ZNF423: variants seen among roughly 807,000 people sequenced by gnomAD.
The protein encoded by ZNF423 is Ebf-associated zinc finger protein.
Under a neutral mutation model 95.8 loss-of-function variants are expected in ZNF423, and 12 were observed. The ratio of observed to expected loss-of-function variants is 0.13; its 90% CI spans 0.08 to 0.20. The LOEUF is 0.20. Ranked by LOEUF, ZNF423 falls within the 10% of genes least tolerant of loss-of-function variation. The pLI, the probability that ZNF423 is intolerant of heterozygous loss-of-function variation, is 1.00. For missense variants in ZNF423, 1,316 were observed against 1,737.1 expected (o/e 0.76, Z 4.31); for synonymous variants, 749 against 711.9 (o/e 1.05, Z -0.83).
chr16:49,855,074 G>A lies in ZNF423; in HGVS notation c.40+661C>T, dbSNP rs1026561881. 3.8e-5 allele frequency: 37 copies of A among 979,720 alleles called. No individual in the cohort carries two copies. The highest frequency in any genetic ancestry group is 4.5e-5 in the Non-Finnish European group (37 of 825,234). 60.7% of individuals were successfully genotyped at this position (979,720 alleles called of 1,614,324 possible). On this transcript the variant is annotated intron_variant, in intron 1 of 7. Coordinates refer to ENST00000563137, the MANE Select transcript of ZNF423 (RefSeq NM_001379286.1). The surrounding 1 kb of genome is among the most constrained non-coding windows in gnomAD (Gnocchi z 4.7). ...AACTCCTGGCGGAGGCTCCCTGCCC[G>A]GTGGGCCTCGGTGGAGGAGGCAGGA...
intron 3 of ZNF423, among the ~76,000 whole-genome samples, chr16:49,716,963 G>A (rs940361161): frequency 1.3e-5 from 2 of 152,072 alleles, no homozygotes; most frequent in Non-Finnish European, 2.9e-5. Flanking sequence ...TCAATCACAG[G>A]ATCTCAAGGT....
chr16:49,598,202 C>T (rs1323504480), intron 5 of ZNF423, among the ~76,000 whole-genome samples: 1 of 152,010 alleles, frequency 6.6e-6, no homozygotes, highest in Non-Finnish European at 1.5e-5. Flanking sequence ...AGTTAGGTAG[C>T]CTGACTATAC....
intron 1 of ZNF423, among the ~76,000 whole-genome samples, chr16:49,852,707 GT>G (rs575286300): frequency 7.9e-5 from 12 of 151,052 alleles, no homozygotes; most frequent in African/African-American, 2.4e-4. Flanking sequence ...CTTTAGGGTT[GT>G]TTTTTTTTAA....
At chr16:49,752,872 G>T (rs1409853543) in intron 2 of ZNF423, among the ~76,000 whole-genome samples, 1 of 152,204 alleles carries the variant, frequency 6.6e-6, no homozygotes, top group African/African-American at 2.4e-5. Flanking sequence ...GGGCTGCTGT[G>T]TGCCAGGCAA....
intron 2 of ZNF423, among the ~76,000 whole-genome samples, chr16:49,751,004 C>T (rs1260271925): frequency 2.6e-5 from 4 of 152,108 alleles, no homozygotes; most frequent in African/African-American, 4.8e-5. Context: ...CCGACGGCGA[C>T]GAAAGGCCCG....
chr16:49,490,901 G>GA lies in ZNF423; in HGVS notation c.*373dup, dbSNP rs1329946031. The GA allele has an allele frequency of 2.3e-4, 45 of 191,886 alleles. 1 individual carries two copies. The highest frequency in any genetic ancestry group is 8.7e-4 in the Admixed American group (15 of 17,230). 11.9% of individuals were successfully genotyped at this position (191,886 alleles called of 1,614,324 possible). ...GGTGGGGGGGAAGAAAAACAAGAAAGAAAAAAAAGAAGCAAAGAAAAAAAA... is the reference window on the plus strand; with the variant it reads ...GGTGGGGGGGAAGAAAAACAAGAAAGAAAAAAAAAGAAGCAAAGAAAAAAAA... On this transcript the variant is annotated 3_prime_UTR_variant, in exon 8 of 8. Transcript: ENST00000563137.
chr16:49,677,228 A>AAGAGAAGAGAAGAGAAGAG (rs2031091665), intron 3 of ZNF423, among the ~76,000 whole-genome samples: 1 of 57,098 alleles, frequency 1.8e-5, no homozygotes, highest in African/African-American at 6.5e-5. Flanking sequence ...AGAAACAAGA[A>AAGAGAAGAGAAGAGAAGAG]AAGAGAAGAG....
At chr16:49,774,549 T>G (rs2034088821) in intron 2 of ZNF423, among the ~76,000 whole-genome samples, 1 of 152,332 alleles carries the variant, frequency 6.6e-6, no homozygotes, top group Middle Eastern at 3.4e-3. Context: ...GAGCATGCCC[T>G]GAGCCCTCTA....
At chr16:49,497,739 C>T (rs905128713) in intron 7 of ZNF423, among the ~76,000 whole-genome samples, 1 of 152,224 alleles carries the variant, frequency 6.6e-6, no homozygotes, top group Admixed American at 6.5e-5. Flanking sequence ...GGGCCAAGCC[C>T]GAGAATGCAC....
rs538235015 is a variant in ZNF423 at position 49,555,689 on chromosome 16, G to A, written c.3602-30195C>T. Among the ~76,000 whole-genome samples the A allele has an allele frequency of 8.5e-5, 13 of 152,336 alleles. No homozygotes were observed. In the South Asian group the frequency reaches 2.1e-3, roughly 24 times the overall value. On this transcript the variant is annotated intron_variant, in intron 5 of 7. Transcript: ENST00000563137. ...TGGCAGGTGAATGTAACCATGGACA[G>A]GTGGATGGTAGATGGTAGATGGAAG...
At chr16:49,850,843 T>A (rs2035294771) in intron 1 of ZNF423, among the ~76,000 whole-genome samples, 1 of 152,104 alleles carries the variant, frequency 6.6e-6, no homozygotes. Flanking sequence ...CCAGACACTT[T>A]CCAAGCCACT....
intron 2 of ZNF423, among the ~76,000 whole-genome samples, chr16:49,787,021 G>A (rs979528316): frequency 1.3e-5 from 2 of 152,202 alleles, no homozygotes; most frequent in Admixed American, 6.5e-5. Context: ...TGCTGGAAGT[G>A]GCACCCACCT....
chr16:49,499,043 G>A (rs1967274785), intron 7 of ZNF423, among the ~76,000 whole-genome samples: 1 of 152,300 alleles, frequency 6.6e-6, no homozygotes, highest in South Asian at 2.1e-4. Context: ...CCGGGGCCCA[G>A]GCTATGACGT....
chr16:49,831,159 C>G (rs993789238), intron 1 of ZNF423, among the ~76,000 whole-genome samples: 7 of 152,126 alleles, frequency 4.6e-5, no homozygotes, highest in African/African-American at 1.7e-4. Flanking sequence ...CTCATGAAGA[C>G]TGAGGCAGGG....
At chr16:49,710,338 C>T (rs1039152088) in intron 3 of ZNF423, among the ~76,000 whole-genome samples, 1 of 152,158 alleles carries the variant, frequency 6.6e-6, no homozygotes, top group African/African-American at 2.4e-5. Context: ...CTTGCTACTC[C>T]GGTGTGGTTC....
At chr16:49,719,169 G>T (rs1003077532) in intron 3 of ZNF423, among the ~76,000 whole-genome samples, 2 of 152,138 alleles carry the variant, frequency 1.3e-5, no homozygotes, top group African/African-American at 4.8e-5. Flanking sequence ...GGGCCTCTCT[G>T]GGGGGCTCTG....
intron 5 of ZNF423, among the ~76,000 whole-genome samples, chr16:49,582,490 G>A (rs1970704266): frequency 6.6e-6 from 1 of 152,208 alleles, no homozygotes. Context: ...ATTTTTTAAT[G>A]AAGCAGAACC....
At chr16:49,620,955 T>A (rs1364570138) in intron 5 of ZNF423, among the ~76,000 whole-genome samples, 9 of 151,966 alleles carry the variant, frequency 5.9e-5, no homozygotes, top group African/African-American at 1.9e-4. Flanking sequence ...GACCCACTGC[T>A]CCTCCCTTCC....
intron 5 of ZNF423, among the ~76,000 whole-genome samples, chr16:49,546,428 G>T (rs1969442809): frequency 6.6e-6 from 1 of 152,154 alleles, no homozygotes; most frequent in Non-Finnish European, 1.5e-5. Context: ...GACCTCATTT[G>T]TGAAAGGAGG....
Sources: gnomAD v4.1 joint callset for allele counts (sites outside exome capture counted in the v4.1 genomes callset) on GRCh38, gnomAD v4.1.1 for gene constraint, Gnocchi (gnomAD v3.1) non-coding constraint, MANE v1.5 for transcripts, NCBI Gene and HGNC (gene_info 2026-07-23, HGNC 2026-07-21) for gene names.